The following SEMA5A variants were observed in gnomAD, a reference collection of about 807,000 sequenced individuals.
SEMA5A encodes the protein semaphorin-5A.
A neutral mutation model predicts 135.5 loss-of-function variants in SEMA5A; 55 were observed. That is an observed-to-expected ratio of 0.41 (90% CI 0.33 to 0.51). The LOEUF (loss-of-function observed/expected upper bound fraction) is 0.51, where lower values mean the gene tolerates loss of function less well. SEMA5A is among the 20% of genes least tolerant of loss of function. The pLI, the probability that SEMA5A is intolerant of heterozygous loss-of-function variation, is 0.37. For synonymous variants in SEMA5A, 580 were observed against 546.5 expected (o/e 1.06, Z -0.85); for missense variants, 1,290 against 1,419.9 (o/e 0.91, Z 1.47).
chr5:9,068,523 A>T (rs78280300), intron 16 of SEMA5A, among the ~76,000 whole-genome samples: 2,353 of 152,206 alleles, frequency 0.015, 31 homozygotes, highest in East Asian at 0.072. Context: ...GCACCCAGTT[A>T]ACTGAGCCCA....
chr5:9,122,920 G>A (rs73045661), intron 13 of SEMA5A, 83 bp from the exon 14 acceptor site: 1 of 1,265,304 alleles, frequency 7.9e-7, no homozygotes, highest in African/African-American at 1.5e-5. Flanking sequence ...TCCCTCATAA[G>A]ACAATCAAAA....
At chr5:9,091,269 G>A (rs945975550) in intron 16 of SEMA5A, among the ~76,000 whole-genome samples, 1 of 152,164 alleles carries the variant, frequency 6.6e-6, no homozygotes, top group African/African-American at 2.4e-5. Flanking sequence ...AAAGATAGAA[G>A]CCAACTGTCA....
intron 5 of SEMA5A, among the ~76,000 whole-genome samples, chr5:9,307,257 G>A (rs1419993763): frequency 1.3e-5 from 2 of 152,168 alleles, no homozygotes; most frequent in Admixed American, 6.5e-5. Context: ...TTCTAATGAA[G>A]AAGTATTATA....
At chr5:9,272,980 A>C (rs1750063910) in intron 5 of SEMA5A, among the ~76,000 whole-genome samples, 2 of 152,178 alleles carry the variant, frequency 1.3e-5, no homozygotes, top group African/African-American at 4.8e-5. Context: ...CCTCACCAGC[A>C]AGGGAACAAA....
At chr5:9,265,913 G>A (rs1174443117) in intron 5 of SEMA5A, among the ~76,000 whole-genome samples, 1 of 152,182 alleles carries the variant, frequency 6.6e-6, no homozygotes, top group Non-Finnish European at 1.5e-5. Flanking sequence ...GCGGAGAAGG[G>A]CAGTGTTTTG....
Position 9,042,710 on chromosome 5 carries a change from T to G in SEMA5A, c.*187A>C, listed in dbSNP as rs2150023170. The stretch of plus-strand genomic sequence containing the variant: ...TCAACAATGGTCAAGATTTTCACGA[T>G]GTCTTATTTCAATTTTTGTTGCTTT... On this transcript the variant is annotated 3_prime_UTR_variant, in exon 23 of 23. Coordinates refer to ENST00000382496, the MANE Select transcript of SEMA5A (RefSeq NM_003966.3). 1 of 608,148 alleles carries G rather than the reference T, an allele frequency of 1.6e-6. No individual in the cohort carries two copies. Among genetic ancestry groups the G allele is most frequent in the South Asian group, 2.1e-5 (1 of 46,988 alleles). 37.7% of individuals were successfully genotyped at this position (608,148 alleles called of 1,614,324 possible).
At chr5:9,280,792 A>G (rs1444703838) in intron 5 of SEMA5A, 2 of 432,578 alleles carry the variant, frequency 4.6e-6, no homozygotes, top group East Asian at 7.2e-5. Flanking sequence ...TACTCACCCA[A>G]TTGTCTTCCT....
intron 6 of SEMA5A, among the ~76,000 whole-genome samples, chr5:9,231,431 C>T (rs1747623388): frequency 8.1e-6 from 1 of 123,420 alleles, no homozygotes; most frequent in Non-Finnish European, 1.6e-5. Flanking sequence ...GGCGCCACTG[C>T]ACTCCAGCCT....
At chr5:9,321,717 T>G (rs1334606585) in intron 4 of SEMA5A, among the ~76,000 whole-genome samples, 1 of 152,172 alleles carries the variant, frequency 6.6e-6, no homozygotes, top group Non-Finnish European at 1.5e-5. Context: ...CCTACTCCTT[T>G]TCAACCCACT....
At chr5:9,164,440 A>G (rs1356991646) in intron 11 of SEMA5A, among the ~76,000 whole-genome samples, 1 of 151,398 alleles carries the variant, frequency 6.6e-6, no homozygotes, top group Non-Finnish European at 1.5e-5. Context: ...TTCAAATTCT[A>G]ATACGGAAGC....
intron 1 of SEMA5A, among the ~76,000 whole-genome samples, chr5:9,449,106 A>T (rs953211231): frequency 6.6e-6 from 1 of 152,230 alleles, no homozygotes; most frequent in Non-Finnish European, 1.5e-5. Context: ...TGTTATAAAG[A>T]TACATGTACC....
chr5:9,073,999 TC>T (rs1388841300), intron 16 of SEMA5A, among the ~76,000 whole-genome samples: 1 of 152,128 alleles, frequency 6.6e-6, no homozygotes, highest in African/African-American at 2.4e-5. Context: ...ACAAGCTAAT[TC>T]TAAATTTCAT....
intron 3 of SEMA5A, among the ~76,000 whole-genome samples, chr5:9,360,507 T>C (rs1279280013): frequency 2.0e-5 from 3 of 152,342 alleles, no homozygotes; most frequent in Middle Eastern, 3.4e-3. Context: ...TTAAGTCCAG[T>C]ACCTTGCTTT....
chr5:9,278,612 A>G (rs1357033499), intron 5 of SEMA5A, among the ~76,000 whole-genome samples: 1 of 152,200 alleles, frequency 6.6e-6, no homozygotes, highest in Non-Finnish European at 1.5e-5. Context: ...CTGCAGGTCT[A>G]GGAGGGAAAA....
intron 1 of SEMA5A, among the ~76,000 whole-genome samples, chr5:9,503,123 A>AAGAGAG (rs3842079): frequency 2.0e-5 from 3 of 150,862 alleles, no homozygotes; most frequent in East Asian, 3.9e-4. Context: ...AATAGCATAA[A>AAGAGAG]AGAGAGAGAG....
At chr5:9,391,591 A>G (rs1341782608) in intron 2 of SEMA5A, among the ~76,000 whole-genome samples, 1 of 151,878 alleles carries the variant, frequency 6.6e-6, no homozygotes, top group Non-Finnish European at 1.5e-5. Context: ...AACACTCTAA[A>G]CCATAAGCAA....
intron 4 of SEMA5A, among the ~76,000 whole-genome samples, chr5:9,335,302 C>T (rs1320075064): frequency 6.6e-6 from 1 of 152,180 alleles, no homozygotes; most frequent in African/African-American, 2.4e-5. Flanking sequence ...GGGATGAAGA[C>T]CTCCTGGGAC....
intron 12 of SEMA5A, among the ~76,000 whole-genome samples, chr5:9,151,614 A>G (rs965136607): frequency 6.6e-6 from 1 of 152,114 alleles, no homozygotes; most frequent in Non-Finnish European, 1.5e-5. Flanking sequence ...AGGGTTTCCT[A>G]TCTTTCTACA....
At chr5:9,046,444 G>A (rs1197638301) in intron 21 of SEMA5A, among the ~76,000 whole-genome samples, 1 of 152,150 alleles carries the variant, frequency 6.6e-6, no homozygotes, top group African/African-American at 2.4e-5. Flanking sequence ...CTCCCTACCT[G>A]GAAGGGATTC....
Sources: allele counts gnomAD v4.1 joint callset (sites outside exome capture counted in the v4.1 genomes callset), GRCh38; gene constraint gnomAD v4.1.1; transcripts MANE v1.5; gene names NCBI Gene and HGNC (gene_info 2026-07-23, HGNC 2026-07-21).